Variants in PIGL observed in about 807,000 individuals in gnomAD.
PIGL encodes N-acetylglucosaminyl-phosphatidylinositol de-N-acetylase.
In PIGL, 22 loss-of-function variants were observed where a neutral mutation model predicts 31.1. That is an observed-to-expected ratio of 0.71 (90% CI 0.51 to 1.01). The LOEUF is 1.01. PIGL is among the 50% of genes least tolerant of loss of function. PIGL has a pLI of 0.00. For synonymous variants in PIGL, 131 were observed against 117.4 expected, an observed-to-expected ratio of 1.12 and a Z score of -0.75; for missense variants, 302 against 315.9, an observed-to-expected ratio of 0.96 and a Z score of 0.33.
chr17:16,302,688 C>G (rs989276667), intron 3 of PIGL, among the ~76,000 whole-genome samples: 5 of 152,110 alleles, frequency 3.3e-5, no homozygotes, highest in Admixed American at 6.5e-5. Flanking sequence ...CAGCATCCAA[C>G]TCCCTGGTTC....
intron 2 of PIGL, among the ~76,000 whole-genome samples, chr17:16,240,126 A>C (rs1270258442): frequency 6.6e-6 from 1 of 152,080 alleles, no homozygotes; most frequent in Admixed American, 6.6e-5. Flanking sequence ...CTTGTCAGTG[A>C]GTTCTGGCAA....
chr17:16,227,313 G>T (rs555956152), intron 1 of PIGL, among the ~76,000 whole-genome samples: 1 of 151,872 alleles, frequency 6.6e-6, no homozygotes, highest in Admixed American at 6.6e-5. Context: ...GTTTCACCAT[G>T]TTGGCCAGGC....
chr17:16,325,604 T>C (rs529039319), intron 6 of PIGL, among the ~76,000 whole-genome samples, 196 bp from the exon 7 acceptor site: 152 of 152,134 alleles, frequency 1.0e-3, no homozygotes, highest in African/African-American at 3.4e-3. Flanking sequence ...TCACAGGTAG[T>C]AGGAGATGGG....
At chr17:16,287,613 CTT>C (rs757999787) in intron 2 of PIGL, among the ~76,000 whole-genome samples, 19 of 152,330 alleles carry the variant, frequency 1.2e-4, no homozygotes, top group South Asian at 8.3e-4. Flanking sequence ...TTCTGTTCCT[CTT>C]TCGTCTAAGT....
At chr17:16,280,823 G>A (rs896948850) in intron 2 of PIGL, among the ~76,000 whole-genome samples, 4 of 152,250 alleles carry the variant, frequency 2.6e-5, no homozygotes, top group East Asian at 3.9e-4. Context: ...CTCTGCCTCA[G>A]CCTCCTGAGT....
chr17:16,322,757 G>A (rs548034026), intron 6 of PIGL, among the ~76,000 whole-genome samples: 32 of 152,294 alleles, frequency 2.1e-4, no homozygotes, highest in African/African-American at 7.5e-4. Flanking sequence ...TGAAACATGA[G>A]TCACTGGATG....
chr17:16,312,928 A>AGGGGGGGGGGGG (rs869065594), intron 3 of PIGL: 5 of 25,338 alleles, frequency 2.0e-4, no homozygotes, highest in South Asian at 9.2e-4. Context: ...GGGAGGGGGA[A>AGGGGGGGGGGGG]GGGGGGGGGA....
rs370640156 is a variant in PIGL, at chr17:16,291,758, G to C, written c.336-8130G>C. On this transcript the variant is annotated intron_variant, in intron 2 of 6. Transcript: ENST00000225609. ...CGGGTGCCTGTAATCCCAGCTACTC[G>C]GGAGGCTGAAGCAGAAGAATCACTT... Among the ~76,000 whole-genome samples the C allele has an allele frequency of 2.7e-5, 4 of 150,714 alleles. No homozygotes were observed. In the East Asian group the frequency reaches 8.0e-4, roughly 30 times the overall value.
At chr17:16,220,938 G>GT (rs1272184901) in intron 1 of PIGL, among the ~76,000 whole-genome samples, 2 of 152,070 alleles carry the variant, frequency 1.3e-5, no homozygotes, top group African/African-American at 4.8e-5. Context: ...TGGCCTGTTT[G>GT]TTTATTTTAT....
intron 1 of PIGL, among the ~76,000 whole-genome samples, chr17:16,219,144 G>GT (rs1374629952): frequency 6.9e-6 from 1 of 145,474 alleles, no homozygotes; most frequent in Non-Finnish European, 1.5e-5. Context: ...TCGGCTCACT[G>GT]TAAGTTCTGC....
intron 2 of PIGL, among the ~76,000 whole-genome samples, chr17:16,289,877 A>G (rs1356060405): frequency 6.6e-6 from 1 of 152,102 alleles, no homozygotes; most frequent in African/African-American, 2.4e-5. Context: ...CCTGGGTTAA[A>G]GCGATTCTCC....
At chr17:16,271,913 A>T (rs1453424799) in intron 2 of PIGL, among the ~76,000 whole-genome samples, 1 of 152,068 alleles carries the variant, frequency 6.6e-6, no homozygotes, top group African/African-American at 2.4e-5. Context: ...ATTTTTTGAG[A>T]CATAGTTTCC....
intron 3 of PIGL, among the ~76,000 whole-genome samples, chr17:16,310,865 G>A (rs936555658): frequency 1.3e-5 from 2 of 152,172 alleles, no homozygotes; most frequent in Non-Finnish European, 2.9e-5. Context: ...CTTGTAAAGA[G>A]CGTGGACTGT....
At chr17:16,241,555 G>T (rs2092723414) in intron 2 of PIGL, among the ~76,000 whole-genome samples, 1 of 151,544 alleles carries the variant, frequency 6.6e-6, no homozygotes, top group African/African-American at 2.4e-5. Context: ...CAACAAGAGT[G>T]AAACTCTGTC....
rs1296236164 is a variant in PIGL at position 16,277,561 on chromosome 17, T to C, written c.336-22327T>C. On this transcript the variant is annotated intron_variant, in intron 2 of 6. Coordinates refer to ENST00000225609, the MANE Select transcript of PIGL (RefSeq NM_004278.4). ...TCTTCTGTTAGGTCAATCCATGCAG[T>C]TAACTCCTGTTTTGCTTGATATTCA... Among the ~76,000 whole-genome samples, 3 of 152,256 alleles carry C rather than the reference T, an allele frequency of 2.0e-5. No homozygotes were observed. In the East Asian group the frequency reaches 5.8e-4, roughly 29 times the overall value.
At chr17:16,260,787 G>A (rs1473821587) in intron 2 of PIGL, among the ~76,000 whole-genome samples, 1 of 152,088 alleles carries the variant, frequency 6.6e-6, no homozygotes, top group African/African-American at 2.4e-5. Context: ...TTCCTGGACA[G>A]GGAACAAAAA....
chr17:16,318,652 G>T (rs899718376), intron 6 of PIGL, among the ~76,000 whole-genome samples: 4 of 151,996 alleles, frequency 2.6e-5, no homozygotes, highest in African/African-American at 9.7e-5. Context: ...ACCAGCTTTG[G>T]CCAGGTGTGG....
chr17:16,263,332 C>A (rs1421244037), intron 2 of PIGL, among the ~76,000 whole-genome samples: 1 of 151,890 alleles, frequency 6.6e-6, no homozygotes, highest in Non-Finnish European at 1.5e-5. Flanking sequence ...GCACACACTA[C>A]CATGCCTGGC....
intron 1 of PIGL, chr17:16,217,805 A>G: frequency 4.0e-6 from 1 of 249,466 alleles, no homozygotes; most frequent in Non-Finnish European, 7.9e-6. Flanking sequence ...TATTGACCTT[A>G]CTATATAGCA....
Sources: allele counts gnomAD v4.1 joint callset (sites outside exome capture counted in the v4.1 genomes callset), GRCh38; gene constraint gnomAD v4.1.1; transcripts MANE v1.5; gene names NCBI Gene and HGNC (gene_info 2026-07-23, HGNC 2026-07-21).